Variants in ECSIT observed in about 807,000 individuals in gnomAD.
The protein encoded by ECSIT is evolutionarily conserved signaling intermediate in Toll pathway, mitochondrial.
ECSIT carries 29 observed loss-of-function variants against 36.8 expected under a neutral mutation model. That is an observed-to-expected ratio of 0.79 (90% CI 0.59 to 1.08). The LOEUF is 1.08. ECSIT is among the 50% of genes least tolerant of loss of function. ECSIT has a pLI of 0.00. For missense variants in ECSIT, 542 were observed against 581.0 expected, an observed-to-expected ratio of 0.93 and a Z score of 0.69; for synonymous variants, 231 against 234.8, an observed-to-expected ratio of 0.98 and a Z score of 0.15.
intron 3 of ECSIT, 107 bp downstream of exon 3, chr19:11,513,697 G>C (rs1348334553): frequency 7.5e-7 from 1 of 1,326,566 alleles, no homozygotes; most frequent in Non-Finnish European, 1.1e-6. Flanking sequence ...AAGAGCGAGA[G>C]AGACAGAGAC....
Position 11,507,711 on chromosome 19 carries a change from C to T in ECSIT, c.936G>A (p.Pro312=), listed in dbSNP as rs112010013. 4.0e-5 allele frequency: 65 copies of T among 1,614,098 alleles called. No homozygotes were observed. The highest frequency in any genetic ancestry group is 4.0e-4 in the African/African-American group (30 of 75,044). ...YHILRADLLP[P]EEREVEETPE... is the part of the protein sequence containing the mutation. Reference sequence around the variant, plus strand: ...TGCTTTAAGCCCTCACCCTCTCCTCCGGGGGCAGCAAGTCAGCTCTGAGGA... The same window carrying T: ...TGCTTTAAGCCCTCACCCTCTCCTCTGGGGGCAGCAAGTCAGCTCTGAGGA... The change falls in exon 6 of 8, where the codon CCG becomes CCA. Residue 312 remains proline, a synonymous_variant. Coordinates refer to ENST00000270517, the MANE Select transcript of ECSIT (RefSeq NM_016581.5).
chr19:11,513,826 G>T lies in ECSIT; in HGVS notation c.492C>A (p.Val164=), dbSNP rs567885463. 7.2e-5 allele frequency: 116 copies of T among 1,614,056 alleles called. No homozygotes were observed. The South Asian group carries it at 1.2e-3, about 17-fold the overall frequency. ...CACCGTGGTTCTCCATCTGCTCCAGGACAGCAATCCCACACTCCTGCTGCC... is the reference window on the plus strand; with the variant it reads ...CACCGTGGTTCTCCATCTGCTCCAGTACAGCAATCCCACACTCCTGCTGCC... ...YPRQQECGIA[V]LEQMENHGVM... Residue 164 remains valine (V), a synonymous_variant, in exon 3 of 8, where the codon GTC becomes GTA. Transcript: ENST00000270517.
intron 4 of ECSIT, chr19:11,510,472 C>T (rs752311081): frequency 1.3e-5 from 2 of 152,004 alleles, no homozygotes; most frequent in Non-Finnish European, 2.9e-5. Context: ...GCCACTGTGC[C>T]TGGCTGTATT....
At chr19:11,512,270 G>A (rs534349289) in intron 4 of ECSIT, among the ~76,000 whole-genome samples, 12 of 152,070 alleles carry the variant, frequency 7.9e-5, no homozygotes, top group African/African-American at 2.7e-4. Context: ...GCTTCAGCCT[G>A]GGAGGTGGAA....
At chr19:11,515,032 T>A (rs1002106402) in intron 2 of ECSIT, among the ~76,000 whole-genome samples, 1 of 147,694 alleles carries the variant, frequency 6.8e-6, no homozygotes, top group Non-Finnish European at 1.5e-5. Context: ...AAAGATGGGG[T>A]TTCATCATGT....
intron 1 of ECSIT, among the ~76,000 whole-genome samples, chr19:11,526,719 CTTTTTTT>C (rs549859600): frequency 7.6e-5 from 10 of 131,728 alleles, no homozygotes; most frequent in Non-Finnish European, 1.5e-4. Flanking sequence ...CCAGAGGGAG[CTTTTTTT>C]TTTTTTTTTT....
At chr19:11,513,007 G>A (rs369088634) in intron 4 of ECSIT, 49 bp downstream of exon 4, 73 of 1,575,626 alleles carry the variant, frequency 4.6e-5, no homozygotes, top group Non-Finnish European at 5.3e-5. Context: ...GAGGAATGGC[G>A]GGAGCCTGGC....
rs928408573 is a variant in ECSIT, at chr19:11,520,082, A to C, written c.-23-889T>G. On this transcript the variant is annotated intron_variant, in intron 1 of 7. Transcript: ENST00000270517. Reference sequence around the variant, plus strand: ...AACCACTCATCCACTGTCTCTATAGATCTCCCTATGCCGGCCATTTCATAC... The same window carrying C: ...AACCACTCATCCACTGTCTCTATAGCTCTCCCTATGCCGGCCATTTCATAC... 5 of 151,942 alleles carry C rather than the reference A, an allele frequency of 3.3e-5. No individual in the cohort carries two copies. In the East Asian group the frequency reaches 9.7e-4, roughly 29 times the overall value. The allele number at this position is 151,942 out of a possible 1,614,324, so 9.4% of individuals were successfully genotyped here.
At chr19:11,522,527 A>C in intron 1 of ECSIT, 2 of 821,654 alleles carry the variant, frequency 2.4e-6, no homozygotes, top group South Asian at 1.5e-5. Context: ...GGTGTGCCCC[A>C]CGTAAACTCA....
intron 3 of ECSIT, 97 bp downstream of exon 3, chr19:11,513,707 C>T (rs1239622284): frequency 1.9e-5 from 27 of 1,393,202 alleles, no homozygotes; most frequent in South Asian, 3.6e-5. Flanking sequence ...GAGACAGAGA[C>T]GGAGCCATGG....
Position 11,513,208 on chromosome 19 carries a change from T to C in ECSIT, c.586A>G (p.Lys196Glu). The C allele has an allele frequency of 1.2e-6, 2 of 1,614,052 alleles. No individual in the cohort carries two copies. Among genetic ancestry groups the C allele is most frequent in the Non-Finnish European group, 1.7e-6 (2 of 1,180,014 alleles). The change falls in exon 4 of 8, where the codon AAG becomes GAG. Residue 196 changes from lysine (K) to glutamate (E), a missense_variant. Coordinates refer to ENST00000270517, the MANE Select transcript of ECSIT (RefSeq NM_016581.5). ...IFGRKSYPML[K>E]LVRLKLWFPR... The stretch of plus-strand genomic sequence containing the variant: ...AACCACAGCTTCAGGCGCACCAACT[T>C]GAGCATGGGGTAGCTTTTGCGTCCA...
chr19:11,515,767 G>A (rs1351022513), intron 2 of ECSIT, among the ~76,000 whole-genome samples: 1 of 152,038 alleles, frequency 6.6e-6, no homozygotes, highest in Non-Finnish European at 1.5e-5. Context: ...CCAAGTAGCT[G>A]GGATTACAGG....
chr19:11,518,080 C>G (rs532464909), intron 2 of ECSIT, among the ~76,000 whole-genome samples: 1 of 151,590 alleles, frequency 6.6e-6, no homozygotes, highest in Admixed American at 6.6e-5. Flanking sequence ...ACTGAGGGCC[C>G]AGAGGTTCAA....
chr19:11,522,003 G>A, intron 1 of ECSIT: 1 of 254,862 alleles, frequency 3.9e-6, no homozygotes, highest in Non-Finnish European at 7.8e-6. Context: ...AGTACAAGGT[G>A]GTGGGTTGCT....
chr19:11,514,027 C>T lies in ECSIT; in HGVS notation c.291G>A (p.Ala97=), dbSNP rs369422984. ...GGCCCCGCTTACGCACGCTGTGCTCCGCAAATTTCTGCACCGTCTGCAGGA... is the reference window on the plus strand; with the variant it reads ...GGCCCCGCTTACGCACGCTGTGCTCTGCAAATTTCTGCACCGTCTGCAGGA... ...ASFLQTVQKF[A]EHSVRKRGHI... Residue 97 remains alanine (A), a synonymous_variant, in exon 3 of 8, where the codon GCG becomes GCA. Coordinates refer to ENST00000270517, the MANE Select transcript of ECSIT (RefSeq NM_016581.5). The T allele has an allele frequency of 4.5e-5, 73 of 1,614,202 alleles. 1 individual carries two copies. The Middle Eastern group carries it at 1.3e-3, about 29-fold the overall frequency.
chr19:11,512,866 C>T (rs112793225), intron 4 of ECSIT, among the ~76,000 whole-genome samples, 190 bp downstream of exon 4: 13,111 of 152,120 alleles, frequency 0.086, 1,296 homozygotes, highest in African/African-American at 0.24. Context: ...TCGCTTGAGC[C>T]TGGGAGGCAG....
At chr19:11,523,154 C>G (rs1005841516) in intron 1 of ECSIT, among the ~76,000 whole-genome samples, 10 of 152,238 alleles carry the variant, frequency 6.6e-5, no homozygotes, top group African/African-American at 2.4e-4. Context: ...GCAGGACCAA[C>G]CCCTCCTCTT....
At chr19:11,518,861 T>G (rs532553191) in intron 2 of ECSIT, among the ~76,000 whole-genome samples, 10 of 152,158 alleles carry the variant, frequency 6.6e-5, no homozygotes, top group Non-Finnish European at 1.0e-4. Context: ...ATCACACTAC[T>G]GCACTCCAGC....
At chr19:11,509,229 C>T (rs890322003) in intron 4 of ECSIT, among the ~76,000 whole-genome samples, 6 of 151,518 alleles carry the variant, frequency 4.0e-5, no homozygotes, top group East Asian at 2.0e-4. Flanking sequence ...TGCACCACCA[C>T]GTCTGGCTAA....
Sources: allele counts gnomAD v4.1 joint callset (sites outside exome capture counted in the v4.1 genomes callset), GRCh38; gene constraint gnomAD v4.1.1; transcripts MANE v1.5; gene names NCBI Gene and HGNC (gene_info 2026-07-23, HGNC 2026-07-21).